Variants in KCNMA1 observed in about 807,000 individuals in gnomAD.
KCNMA1 encodes potassium calcium-activated channel subfamily M alpha 1, also known as Calcium-activated potassium channel subunit alpha-1.
In KCNMA1, 29 loss-of-function variants were observed where a neutral mutation model predicts 140.0. The observed-to-expected ratio is 0.21, with a 90% CI of 0.15 to 0.28. The LOEUF is 0.28. Ranked by LOEUF, KCNMA1 falls within the 10% of genes least tolerant of loss-of-function variation. The pLI is 1.00. For synonymous variants in KCNMA1, 612 were observed against 611.9 expected (o/e 1.00, Z 0.00); for missense variants, 880 against 1,602.2 (o/e 0.55, Z 7.70).
Position 77,506,596 on chromosome 10 carries a change from A to AGAGAGAGAGAGAGAGTGTGTGTGTGT in KCNMA1, c.379-102574_379-102573insACACACACACACTCTCTCTCTCTCTC. Among the ~76,000 whole-genome samples the AGAGAGAGAGAGAGAGTGTGTGTGTGT allele has an allele frequency of 7.2e-5, 6 of 83,570 alleles. 1 individual carries two copies. Among genetic ancestry groups the AGAGAGAGAGAGAGAGTGTGTGTGTGT allele is most frequent in the African/African-American group, 4.5e-4 (6 of 13,412 alleles). 54.8% of individuals were successfully genotyped at this position (83,570 alleles called of 152,430 possible). ...TAGAGAGAGAGAGAGAGAGAGAGAG[A>AGAGAGAGAGAGAGAGTGTGTGTGTGT]GTGTGTGTGTGTGTGTGTGTGTGTT... On this transcript the variant is annotated intron_variant, in intron 1 of 27. Transcript: ENST00000286628.
At chr10:77,408,065 G>A (rs988132597) in intron 1 of KCNMA1, among the ~76,000 whole-genome samples, 2 of 152,138 alleles carry the variant, frequency 1.3e-5, no homozygotes, top group Non-Finnish European at 2.9e-5. Flanking sequence ...AGGGATTCCC[G>A]CACAGGGTGG....
At chr10:77,183,148 A>G (rs1447047858) in intron 5 of KCNMA1, among the ~76,000 whole-genome samples, 2 of 152,178 alleles carry the variant, frequency 1.3e-5, no homozygotes, top group Admixed American at 6.5e-5. Context: ...TGACAGAACC[A>G]TGAACATAAA....
intron 2 of KCNMA1, among the ~76,000 whole-genome samples, chr10:77,323,635 G>T (rs2083005477): frequency 6.6e-6 from 1 of 152,220 alleles, no homozygotes; most frequent in African/African-American, 2.4e-5. Context: ...ATATCAATGT[G>T]CATATAGTTA....
chr10:77,111,988 T>C (rs1055617771), intron 7 of KCNMA1, among the ~76,000 whole-genome samples: 2 of 152,192 alleles, frequency 1.3e-5, no homozygotes, highest in African/African-American at 4.8e-5. Context: ...TCTGAATTTG[T>C]TGTTTACTAG....
At chr10:77,411,029 GTCTT>G (rs2096607633) in intron 1 of KCNMA1, among the ~76,000 whole-genome samples, 1 of 152,206 alleles carries the variant, frequency 6.6e-6, no homozygotes, top group African/African-American at 2.4e-5. Flanking sequence ...TTTAGACAGA[GTCTT>G]TCTCTGTCAC....
At chr10:76,956,909 T>C (rs924331889) in intron 20 of KCNMA1, among the ~76,000 whole-genome samples, 11 of 151,740 alleles carry the variant, frequency 7.2e-5, no homozygotes, top group Non-Finnish European at 1.3e-4. Flanking sequence ...GATCATGAGG[T>C]CAGGAGATCG....
intron 1 of KCNMA1, among the ~76,000 whole-genome samples, chr10:77,521,857 G>A (rs1313359372): frequency 6.6e-6 from 1 of 152,060 alleles, no homozygotes; most frequent in African/African-American, 2.4e-5. Flanking sequence ...AACCTCACTT[G>A]ATATAGTGAT....
At chr10:76,880,413 T>C (rs2034149931), downstream of KCNMA1, among the ~76,000 whole-genome samples, 1 of 152,170 alleles carries the variant, frequency 6.6e-6, no homozygotes, top group Admixed American at 6.5e-5. Flanking sequence ...AGTTGAGGTC[T>C]TCCTTATGCC....
rs550872041 is a variant in KCNMA1, at chr10:77,564,950, G to A, written c.378+72315C>T. Among the ~76,000 whole-genome samples, 4 of 152,358 alleles carry A rather than the reference G, an allele frequency of 2.6e-5. No individual in the cohort carries two copies. The East Asian group carries it at 7.7e-4, about 29-fold the overall frequency. On this transcript the variant is annotated intron_variant, in intron 1 of 27. Coordinates refer to ENST00000286628, the MANE Select transcript of KCNMA1 (RefSeq NM_001161352.2). Reference sequence around the variant, plus strand: ...GGGGAGCTTAATTGGGCAGCTGCATGCAGGATATGCAGCAGGGGGTGAAGG... The same window carrying A: ...GGGGAGCTTAATTGGGCAGCTGCATACAGGATATGCAGCAGGGGGTGAAGG...
intron 2 of KCNMA1, among the ~76,000 whole-genome samples, chr10:77,388,875 T>C (rs1300182861): frequency 1.3e-5 from 2 of 152,200 alleles, no homozygotes; most frequent in Non-Finnish European, 2.9e-5. Context: ...AGACAACAAC[T>C]GAGCCCCCAA....
chr10:77,348,432 C>T (rs1196134497), intron 2 of KCNMA1, among the ~76,000 whole-genome samples: 9 of 152,124 alleles, frequency 5.9e-5, no homozygotes, highest in Non-Finnish European at 8.8e-5. Context: ...TGCCTGCAGA[C>T]CTGGACACCC....
chr10:76,919,231 C>T (rs1223062298), intron 23 of KCNMA1, among the ~76,000 whole-genome samples: 1 of 152,060 alleles, frequency 6.6e-6, no homozygotes, highest in South Asian at 2.1e-4. Context: ...GTGAAGGATG[C>T]ACCAAAATCT....
At chr10:76,993,229 G>A (rs1452586260) in intron 19 of KCNMA1, among the ~76,000 whole-genome samples, 1 of 152,164 alleles carries the variant, frequency 6.6e-6, no homozygotes, top group Non-Finnish European at 1.5e-5. Context: ...ATTTGAACTG[G>A]GGAAGATGAT....
intron 1 of KCNMA1, among the ~76,000 whole-genome samples, chr10:77,466,367 C>T: frequency 6.6e-6 from 1 of 152,198 alleles, no homozygotes; most frequent in Non-Finnish European, 1.5e-5. Flanking sequence ...GCCCAATTGA[C>T]ACAGCCACCC....
chr10:77,418,895 A>G (rs1292160514), intron 1 of KCNMA1, among the ~76,000 whole-genome samples: 1 of 152,224 alleles, frequency 6.6e-6, no homozygotes, highest in African/African-American at 2.4e-5. Context: ...CTCCAGGGGA[A>G]GTCGTTCTTC....
downstream of KCNMA1, among the ~76,000 whole-genome samples, chr10:76,883,114 A>G (rs1260526976): frequency 6.6e-6 from 1 of 152,208 alleles, no homozygotes; most frequent in Non-Finnish European, 1.5e-5. Flanking sequence ...GCCAAGAGGC[A>G]TACTCAGTGT....
chr10:77,298,398 C>T (rs749209405), intron 2 of KCNMA1, among the ~76,000 whole-genome samples: 9 of 152,132 alleles, frequency 5.9e-5, no homozygotes, highest in South Asian at 4.2e-4. Flanking sequence ...TTCACCACCA[C>T]GCTCAGCTAA....
At chr10:76,974,499 C>A (rs1592459068) in intron 19 of KCNMA1, 9 of 1,546,870 alleles carry the variant, frequency 5.8e-6, no homozygotes, top group Non-Finnish European at 7.0e-6. Context: ...GGCTCGGTCA[C>A]AAGCCGAGAA....
chr10:77,175,772 A>C (rs2098747158), intron 5 of KCNMA1, among the ~76,000 whole-genome samples: 1 of 152,218 alleles, frequency 6.6e-6, no homozygotes, highest in Non-Finnish European at 1.5e-5. Flanking sequence ...CACAGGGCAG[A>C]GACAGCAAGA....
Sources: gnomAD v4.1 joint callset for allele counts (sites outside exome capture counted in the v4.1 genomes callset) on GRCh38, gnomAD v4.1.1 for gene constraint, MANE v1.5 for transcripts, NCBI Gene and HGNC (gene_info 2026-07-23, HGNC 2026-07-21) for gene names.